The following TTLL11 variants were observed in gnomAD, a reference collection of about 807,000 sequenced individuals.
The protein encoded by TTLL11 is tubulin tyrosine ligase like 11, also known as tubulin polyglutamylase TTLL11.
In TTLL11, 42 loss-of-function variants were observed where a neutral mutation model predicts 51.7. The ratio of observed to expected loss-of-function variants is 0.81; its 90% CI spans 0.64 to 1.05. TTLL11 has a LOEUF of 1.05. Ranked by LOEUF, TTLL11 falls within the 50% of genes least tolerant of loss-of-function variation. The pLI, the probability that TTLL11 is intolerant of heterozygous loss-of-function variation, is 0.00. For missense variants in TTLL11, 799 were observed against 940.4 expected, an observed-to-expected ratio of 0.85 and a Z score of 1.97; for synonymous variants, 381 against 383.5, an observed-to-expected ratio of 0.99 and a Z score of 0.08.
intron 4 of TTLL11, among the ~76,000 whole-genome samples, chr9:121,980,568 T>C (rs1374278489): frequency 6.6e-6 from 1 of 152,254 alleles, no homozygotes; most frequent in Non-Finnish European, 1.5e-5. Flanking sequence ...GGTTTTCTAG[T>C]TGACCATACT....
chr9:122,026,344 A>C (rs966306014), intron 3 of TTLL11, among the ~76,000 whole-genome samples: 6 of 151,608 alleles, frequency 4.0e-5, no homozygotes, highest in African/African-American at 1.5e-4. Context: ...AGGCTGAGGC[A>C]GGAGAATTGC....
Position 121,917,541 on chromosome 9 carries a change from G to GAAA in TTLL11, c.1482-46794_1482-46793insTTT, listed in dbSNP as rs1564303985. 9.3e-3 allele frequency among the ~76,000 whole-genome samples: 1,166 copies of GAAA among 124,838 alleles called. 13 individuals carry two copies. The highest frequency in any genetic ancestry group is 0.041 in the African/African-American group (1,119 of 27,194). The allele number at this position is 124,838 out of a possible 152,430, so 81.9% of individuals were successfully genotyped here. On this transcript the variant is annotated intron_variant, in intron 6 of 8. Transcript: ENST00000321582. ...AGAAAGAAAGGAAGGAAGGAAGGAA[G>GAAA]GAAGAAAAAGAAAAAGAAAGAAAGA...
intron 1 of TTLL11, among the ~76,000 whole-genome samples, chr9:122,071,565 C>G (rs1005599647): frequency 7.2e-5 from 11 of 152,266 alleles, no homozygotes; most frequent in Admixed American, 2.0e-4. Flanking sequence ...AGGAGAGACA[C>G]CAGCAAGCCT....
At chr9:121,867,996 G>A (rs1000858725) in intron 7 of TTLL11, among the ~76,000 whole-genome samples, 1 of 152,014 alleles carries the variant, frequency 6.6e-6, no homozygotes, top group Non-Finnish European at 1.5e-5. Context: ...ACAGGACCAG[G>A]GTTCTCTGCA....
chr9:121,834,829 G>GAA (rs201992639), intron 8 of TTLL11, among the ~76,000 whole-genome samples: 6 of 141,138 alleles, frequency 4.3e-5, no homozygotes, highest in South Asian at 2.3e-4. Flanking sequence ...TCTGTCTCAG[G>GAA]AAAAAAAAAA....
intron 6 of TTLL11, among the ~76,000 whole-genome samples, chr9:121,884,248 C>T (rs532701402): frequency 6.6e-6 from 1 of 152,276 alleles, no homozygotes; most frequent in South Asian, 2.1e-4. Context: ...AGTAGCCTCT[C>T]CCAACACCCA....
intron 6 of TTLL11, among the ~76,000 whole-genome samples, chr9:121,966,245 A>C (rs538322503): frequency 6.6e-6 from 1 of 152,194 alleles, no homozygotes; most frequent in Non-Finnish European, 1.5e-5. Flanking sequence ...TATATAAGTC[A>C]TGTTCCAAAT....
rs1375944904 is a variant in TTLL11, at chr9:121,822,632, G to C, written c.2088C>G (p.Thr696=). The change falls in exon 9 of 9, where the codon ACC becomes ACG. Residue 696 remains threonine, a synonymous_variant. Transcript: ENST00000321582. This position sits in a 1 kb window ranked among gnomAD's most constrained non-coding sequence, Gnocchi z 5.8. ...GATGGGAGAGCTTATTGGCACAGCTGGTGCGGGGTGGGGGGTTGTCCCCTG... is the reference window on the plus strand; with the variant it reads ...GATGGGAGAGCTTATTGGCACAGCTCGTGCGGGGTGGGGGGTTGTCCCCTG... ...QPAGDNPPPR[T]SCANKLSHPR... is the part of the protein sequence containing the mutation. 6.7e-7 allele frequency: 1 copy of C among 1,499,930 alleles called. No homozygotes were observed. Among genetic ancestry groups the C allele is most frequent in the Non-Finnish European group, 8.9e-7 (1 of 1,124,180 alleles). 92.9% of individuals were successfully genotyped at this position (1,499,930 alleles called of 1,614,324 possible).
At chr9:121,959,650 C>T (rs1376268272) in intron 6 of TTLL11, among the ~76,000 whole-genome samples, 1 of 152,136 alleles carries the variant, frequency 6.6e-6, no homozygotes, top group East Asian at 1.9e-4. Context: ...CCGACATCCC[C>T]CAAAACTCGT....
At chr9:121,923,612 G>A (rs984872740) in intron 6 of TTLL11, among the ~76,000 whole-genome samples, 7 of 151,664 alleles carry the variant, frequency 4.6e-5, no homozygotes, top group East Asian at 2.0e-4. Flanking sequence ...ATCTTTTAAT[G>A]TACCTCATTT....
chr9:121,832,650 G>A (rs1017298896), intron 8 of TTLL11, among the ~76,000 whole-genome samples: 2 of 152,136 alleles, frequency 1.3e-5, no homozygotes, highest in Non-Finnish European at 2.9e-5. Flanking sequence ...GAGAGTTTTC[G>A]AAGATTTGGC....
intron 7 of TTLL11, among the ~76,000 whole-genome samples, chr9:121,861,744 C>T (rs908954233): frequency 9.2e-5 from 14 of 152,158 alleles, no homozygotes; most frequent in Admixed American, 9.2e-4. Context: ...CAGGCTGAAG[C>T]CATCACTACT....
intron 1 of TTLL11, among the ~76,000 whole-genome samples, chr9:122,082,938 G>A (rs1276217478): frequency 6.6e-6 from 1 of 152,156 alleles, no homozygotes; most frequent in African/African-American, 2.4e-5. Flanking sequence ...GGTTGCTGAG[G>A]TGGGAGGATG....
intron 8 of TTLL11, among the ~76,000 whole-genome samples, chr9:121,852,073 C>A (rs1837678475): frequency 6.6e-6 from 1 of 152,212 alleles, no homozygotes; most frequent in Non-Finnish European, 1.5e-5. Context: ...TCTGCCCCTG[C>A]CTGCCTGTGG....
intron 6 of TTLL11, among the ~76,000 whole-genome samples, chr9:121,929,953 T>C (rs1840904086): frequency 6.6e-6 from 1 of 152,250 alleles, no homozygotes; most frequent in African/African-American, 2.4e-5. Context: ...CAAATATGTG[T>C]AAGCATTTTA....
In TTLL11 at chr9:121,822,164, CA is replaced by C. The variant is rs1484753811; in HGVS notation, c.*422del. 1 of 153,774 alleles carries C rather than the reference CA, an allele frequency of 6.5e-6. No homozygotes were observed. Among genetic ancestry groups the C allele is most frequent in the Admixed American group, 6.5e-5 (1 of 15,302 alleles). 9.5% of individuals were successfully genotyped at this position (153,774 alleles called of 1,614,324 possible). A position where few individuals can be genotyped will look rare whatever the true frequency, so the allele number is the denominator to read the frequency against. ...CGGCAGGAAATAAACACGATGTTCT[CA>C]GGCTTTTCCCGGTGGGCGCGTGGAG... On this transcript the variant is annotated 3_prime_UTR_variant, in exon 9 of 9. Coordinates refer to ENST00000321582, the MANE Select transcript of TTLL11 (RefSeq NM_001139442.2). The surrounding 1 kb of genome is among the most constrained non-coding windows in gnomAD (Gnocchi z 5.8).
chr9:121,822,726 C>A lies in TTLL11; in HGVS notation c.1994G>T (p.Gly665Val). The part of the protein sequence containing the change: ...LDEKRLVCGR[G>V]VPSGGRPPHR... ...TGGGGGCCGGCCCCCCGACGGGACG[C>A]CCCGGCCACACACCAGGCGTTTTTC... The change falls in exon 9 of 9, where the codon GGC becomes GTC. Residue 665 changes from glycine (G) to valine (V), a missense_variant. Gly to Val is a moderately radical substitution (Grantham distance 109). Coordinates refer to ENST00000321582, the MANE Select transcript of TTLL11 (RefSeq NM_001139442.2). This position sits in a 1 kb window ranked among gnomAD's most constrained non-coding sequence, Gnocchi z 5.8. 1 of 1,551,216 alleles carries A rather than the reference C, an allele frequency of 6.4e-7. No homozygotes were observed. Among genetic ancestry groups the A allele is most frequent in the Non-Finnish European group, 8.7e-7 (1 of 1,146,914 alleles).
rs765727587 is a variant in TTLL11, at chr9:121,959,267, T to C, written c.1481+14742A>G. On this transcript the variant is annotated intron_variant, in intron 6 of 8. Transcript: ENST00000321582. ...CATTTGCCACCGAAATCACTTGGTG[T>C]AGACAGTGTCTAATCCGCACATGGG... 5.3e-5 allele frequency among the ~76,000 whole-genome samples: 8 copies of C among 152,146 alleles called. No homozygotes were observed. In the South Asian group the frequency reaches 1.2e-3, roughly 24 times the overall value.
At chr9:121,870,861 C>A in intron 6 of TTLL11, 113 bp from the exon 7 acceptor site, 1 of 1,226,678 alleles carries the variant, frequency 8.2e-7, no homozygotes, top group Non-Finnish European at 1.1e-6. Flanking sequence ...ATTTTACAGA[C>A]AGCAAGACTG....
Sources: gnomAD v4.1 joint callset for allele counts (sites outside exome capture counted in the v4.1 genomes callset) on GRCh38, gnomAD v4.1.1 for gene constraint, Gnocchi (gnomAD v3.1) non-coding constraint, MANE v1.5 for transcripts, NCBI Gene and HGNC (gene_info 2026-07-23, HGNC 2026-07-21) for gene names.